SLC31A1: variants seen among roughly 807,000 people sequenced by gnomAD.
SLC31A1 encodes solute carrier family 31 member 1, also known as high affinity copper uptake protein 1.
Under a neutral mutation model 17.2 loss-of-function variants are expected in SLC31A1, and 5 were observed. That is an observed-to-expected ratio of 0.29 (90% confidence interval 0.15 to 0.61). The LOEUF (loss-of-function observed/expected upper bound fraction) is 0.61. Among genes scored for constraint, SLC31A1 ranks in the 20% least tolerant of loss-of-function variants. SLC31A1 has a pLI of 0.86. For synonymous variants in SLC31A1, 76 were observed against 78.8 expected, an observed-to-expected ratio of 0.96 and a Z score of 0.19; for missense variants, 161 against 241.4, an observed-to-expected ratio of 0.67 and a Z score of 2.21.
chr9:113,247,509 A>G (rs1831595322), intron 1 of SLC31A1, among the ~76,000 whole-genome samples: 1 of 152,230 alleles, frequency 6.6e-6, no homozygotes, highest in East Asian at 1.9e-4. Context: ...AAGACTCAGA[A>G]TAGGCATCAG....
At chr9:113,244,998 C>G (rs1276473663) in intron 1 of SLC31A1, among the ~76,000 whole-genome samples, 2 of 152,060 alleles carry the variant, frequency 1.3e-5, no homozygotes, top group Non-Finnish European at 2.9e-5. Flanking sequence ...ATTTTTAATA[C>G]ATTGGTATGG....
At chr9:113,228,671 C>T (rs974354242) in intron 1 of SLC31A1, among the ~76,000 whole-genome samples, 5 of 152,166 alleles carry the variant, frequency 3.3e-5, no homozygotes, top group Non-Finnish European at 5.9e-5. Flanking sequence ...TTAGCTGCTT[C>T]CCAGCAAGCC....
At position 113,260,512 on chromosome 9, in the gene SLC31A1, G is replaced by A. The variant is rs1026798258; in HGVS notation, c.*39G>A. 1 of 1,561,732 alleles carries A rather than the reference G, an allele frequency of 6.4e-7. No individual in the cohort carries two copies. The highest frequency in any genetic ancestry group is 1.7e-5 in the Admixed American group (1 of 59,848). On this transcript the variant is annotated 3_prime_UTR_variant, in exon 5 of 5. Coordinates refer to ENST00000374212, the MANE Select transcript of SLC31A1 (RefSeq NM_001859.4). ...GGCGTGGCCTTATCGATTGCAGTGG[G>A]AAGTTGTTGAAGACTTGAAGACGTG...
intron 1 of SLC31A1, among the ~76,000 whole-genome samples, chr9:113,255,250 G>T (rs2119013880): frequency 6.6e-6 from 1 of 152,312 alleles, no homozygotes. Flanking sequence ...TGAAGTCCTT[G>T]CTTTTTATCT....
At position 113,260,948 on chromosome 9, in the gene SLC31A1, C is replaced by T. The variant is rs1378957719; in HGVS notation, c.*475C>T. ...AATTCTTGCCCAACTAAACCCAGAA[C>T]TCAAACTTAACATTAGAAAATAAGG... On this transcript the variant is annotated 3_prime_UTR_variant, in exon 5 of 5. Coordinates refer to ENST00000374212, the MANE Select transcript of SLC31A1 (RefSeq NM_001859.4). 3.6e-6 allele frequency: 1 copy of T among 279,654 alleles called. No individual in the cohort carries two copies. The highest frequency in any genetic ancestry group is 9.3e-5 in the East Asian group (1 of 10,696). The allele number at this position is 279,654 out of a possible 1,614,324, so 17.3% of individuals were successfully genotyped here.
chr9:113,252,099 C>T (rs776593270), intron 1 of SLC31A1, among the ~76,000 whole-genome samples: 2 of 152,176 alleles, frequency 1.3e-5, no homozygotes, highest in Non-Finnish European at 2.9e-5. Flanking sequence ...TTGTATATAC[C>T]TTGCCCTGGG....
At chr9:113,249,097 A>C (rs965597497) in intron 1 of SLC31A1, among the ~76,000 whole-genome samples, 1 of 149,422 alleles carries the variant, frequency 6.7e-6, no homozygotes, top group Non-Finnish European at 1.5e-5. Context: ...TTCCCAGGAC[A>C]TACAATCAGA....
intron 1 of SLC31A1, among the ~76,000 whole-genome samples, chr9:113,250,564 A>C (rs1831638632): frequency 1.3e-5 from 2 of 149,922 alleles, no homozygotes; most frequent in Admixed American, 1.3e-4. Flanking sequence ...GCACTGGGAG[A>C]TATACCTAAT....
At position 113,256,214 on chromosome 9, in the gene SLC31A1, C is replaced by T; in HGVS notation, c.66C>T (p.His22=). 1.9e-6 allele frequency: 3 copies of T among 1,613,524 alleles called. No individual in the cohort carries two copies. The highest frequency in any genetic ancestry group is 1.7e-6 in the Non-Finnish European group (2 of 1,180,000). The change falls in exon 2 of 5, where the codon CAC becomes CAT. Residue 22 remains histidine, a synonymous_variant. Coordinates refer to ENST00000374212, the MANE Select transcript of SLC31A1 (RefSeq NM_001859.4). ...CCAACAGTACCATGCAACCTTCTCA[C>T]CATCACCCAACCACTTCAGCCTCAC... ...MDSNSTMQPS[H]HHPTTSASHS...
At chr9:113,242,515 CT>C (rs1178066350) in intron 1 of SLC31A1, among the ~76,000 whole-genome samples, 1 of 152,148 alleles carries the variant, frequency 6.6e-6, no homozygotes, top group Non-Finnish European at 1.5e-5. Context: ...AATCCTCCCA[CT>C]TCAGGGCCTC....
At chr9:113,242,578 G>C (rs1257230783) in intron 1 of SLC31A1, among the ~76,000 whole-genome samples, 1 of 151,888 alleles carries the variant, frequency 6.6e-6, no homozygotes, top group Non-Finnish European at 1.5e-5. Context: ...CTAATTTTTT[G>C]CTTTTTTGTA....
intron 1 of SLC31A1, among the ~76,000 whole-genome samples, chr9:113,247,932 A>G (rs550343269): frequency 7.9e-5 from 12 of 152,218 alleles, no homozygotes; most frequent in Non-Finnish European, 1.6e-4. Context: ...AACTCCTTTT[A>G]TTAACTATTT....
chr9:113,261,375 G>A lies in SLC31A1; in HGVS notation c.*902G>A, dbSNP rs1240111569. On this transcript the variant is annotated 3_prime_UTR_variant, in exon 5 of 5. Transcript: ENST00000374212. ...AATCTTTGTAGTGTGCAGAGCGGTG[G>A]TTTGAGACTAAATACAGGCTTAGAA... 1 of 152,616 alleles carries A rather than the reference G, an allele frequency of 6.6e-6. No homozygotes were observed. Among genetic ancestry groups the A allele is most frequent in the South Asian group, 2.1e-4 (1 of 4,832 alleles). 9.5% of individuals were successfully genotyped at this position (152,616 alleles called of 1,614,324 possible). A position where few individuals can be genotyped will look rare whatever the true frequency, so the allele number is the denominator to read the frequency against.
At position 113,258,734 on chromosome 9, in the gene SLC31A1, G is replaced by A. The variant is rs1831756001; in HGVS notation, c.243G>A (p.Met81Ile). Reference protein sequence around the residue: ...GAFVAVFLLAMFYEGLKIARE... With the variant: ...GAFVAVFLLAIFYEGLKIARE... Reference sequence around the variant, plus strand: ...TTGTGGCAGTGTTTTTACTAGCAATGTTCTATGAAGGACTCAAGATAGCCC... The same window carrying A: ...TTGTGGCAGTGTTTTTACTAGCAATATTCTATGAAGGACTCAAGATAGCCC... The change falls in exon 4 of 5, where the codon ATG becomes ATA. Residue 81 changes from methionine (M) to isoleucine (I), a missense_variant. By Grantham distance (10) the Met-to-Ile change is conservative. Coordinates refer to ENST00000374212, the MANE Select transcript of SLC31A1 (RefSeq NM_001859.4). This position sits in a 1 kb window ranked among gnomAD's most constrained non-coding sequence, Gnocchi z 4.8. 6.2e-7 allele frequency: 1 copy of A among 1,614,044 alleles called. No individual in the cohort carries two copies. The highest frequency in any genetic ancestry group is 1.7e-5 in the Admixed American group (1 of 59,990).
chr9:113,262,870 G>C lies in SLC31A1; in HGVS notation c.*2397G>C, dbSNP rs1316254463. ...CCCTCCCAGCAACAAAACCTAATCA[G>C]TAAGGCCAGCTAGACCCAATGGCTC... On this transcript the variant is annotated 3_prime_UTR_variant, in exon 5 of 5. Transcript: ENST00000374212. 6.6e-6 allele frequency: 1 copy of C among 152,632 alleles called. No homozygotes were observed. The highest frequency in any genetic ancestry group is 1.5e-5 in the Non-Finnish European group (1 of 68,074). The allele number at this position is 152,632 out of a possible 1,614,324, so 9.5% of individuals were successfully genotyped here.
At chr9:113,233,037 T>C (rs1426667840) in intron 1 of SLC31A1, among the ~76,000 whole-genome samples, 1 of 152,234 alleles carries the variant, frequency 6.6e-6, no homozygotes, top group Non-Finnish European at 1.5e-5. Flanking sequence ...GTGTATACTG[T>C]CAAGAGGTAG....
intron 1 of SLC31A1, among the ~76,000 whole-genome samples, chr9:113,225,321 G>A (rs1249921044): frequency 2.0e-5 from 3 of 152,220 alleles, no homozygotes; most frequent in Non-Finnish European, 2.9e-5. Context: ...GACCATATTT[G>A]TCAAATACCT....
chr9:113,233,901 T>C (rs1564206230), intron 1 of SLC31A1, among the ~76,000 whole-genome samples: 1 of 152,338 alleles, frequency 6.6e-6, no homozygotes, highest in East Asian at 1.9e-4. Flanking sequence ...TCAGCATTTA[T>C]CATTTCTTTG....
chr9:113,260,245 ATTGT>A, intron 4 of SLC31A1, 23 bp from the exon 5 acceptor site: 9 of 1,606,492 alleles, frequency 5.6e-6, no homozygotes, highest in Non-Finnish European at 7.7e-6. Flanking sequence ...GGAGTCCCTG[ATTGT>A]TGTGTCCCTG....
Sources: gnomAD v4.1 joint callset for allele counts (sites outside exome capture counted in the v4.1 genomes callset) on GRCh38, gnomAD v4.1.1 for gene constraint, Gnocchi (gnomAD v3.1) non-coding constraint, MANE v1.5 for transcripts, NCBI Gene and HGNC (gene_info 2026-07-23, HGNC 2026-07-21) for gene names.